Variants in FAM107B observed in about 807,000 individuals in gnomAD.
The protein encoded by FAM107B is family with sequence similarity 107 member B.
A neutral mutation model predicts 31.5 loss-of-function variants in FAM107B; 21 were observed. The observed-to-expected ratio is 0.67, with a 90% CI of 0.47 to 0.96. The LOEUF (loss-of-function observed/expected upper bound fraction) is 0.96, where lower values mean the gene tolerates loss of function less well. Ranked by LOEUF, FAM107B falls within the 40% of genes least tolerant of loss-of-function variation. FAM107B has a pLI of 0.00. For missense variants in FAM107B, 452 were observed against 377.1 expected (o/e 1.20, Z -1.64); for synonymous variants, 157 against 141.5 (o/e 1.11, Z -0.78).
intron 1 of FAM107B, among the ~76,000 whole-genome samples, chr10:14,727,304 C>T (rs185447072): frequency 5.9e-5 from 9 of 152,346 alleles, no homozygotes; most frequent in Non-Finnish European, 1.2e-4. Context: ...TCTGACTTTT[C>T]CCTAACCTTC....
At chr10:14,657,893 C>T (rs1854109056) in intron 2 of FAM107B, among the ~76,000 whole-genome samples, 1 of 152,048 alleles carries the variant, frequency 6.6e-6, no homozygotes, top group African/African-American at 2.4e-5. Context: ...TCACTGCAGC[C>T]TTGGCAGCCC....
At chr10:14,662,378 C>CTGTTT (rs372383515) in intron 2 of FAM107B, among the ~76,000 whole-genome samples, 1 of 139,668 alleles carries the variant, frequency 7.2e-6, no homozygotes, top group Non-Finnish European at 1.5e-5. Context: ...TCTGACCTGT[C>CTGTTT]TTTTTTTTTT....
chr10:14,741,443 C>A (rs1217111662), intron 1 of FAM107B, among the ~76,000 whole-genome samples: 1 of 152,054 alleles, frequency 6.6e-6, no homozygotes, highest in South Asian at 2.1e-4. Context: ...CTAAGGTCAC[C>A]GCACCAGCCT....
intron 1 of FAM107B, among the ~76,000 whole-genome samples, chr10:14,720,340 G>A (rs1363507028): frequency 5.3e-5 from 8 of 152,006 alleles, no homozygotes; most frequent in East Asian, 1.9e-4. Flanking sequence ...TGCAACCTCC[G>A]CCTCCCGTGT....
rs150657578 is a variant in FAM107B at position 14,571,894 on chromosome 10, G to A, written c.470-41379C>T. 7.1e-4 allele frequency: 704 copies of A among 985,422 alleles called. 7 individuals are homozygous for A. In the African/African-American group the frequency reaches 0.011, roughly 15 times the overall value. The allele number at this position is 985,422 out of a possible 1,614,324, so 61.0% of individuals were successfully genotyped here. On this transcript the variant is annotated intron_variant, in intron 2 of 4. Transcript: ENST00000181796. ...TGTCACCCATCAAGGCCTAAGTGAC[G>A]AACGGTTACAGAGACTGACCTAACC...
intron 1 of FAM107B, among the ~76,000 whole-genome samples, chr10:14,745,225 T>C (rs1431720280): frequency 2.6e-5 from 4 of 152,094 alleles, no homozygotes; most frequent in African/African-American, 9.7e-5. Context: ...TAGTGGTCTA[T>C]TTCATTATTT....
At chr10:14,731,610 T>G (rs2131560713) in intron 1 of FAM107B, among the ~76,000 whole-genome samples, 1 of 152,252 alleles carries the variant, frequency 6.6e-6, no homozygotes. Flanking sequence ...TTTTTAAATC[T>G]CTCAATGCAT....
chr10:14,562,649 C>CT (rs771430418), intron 2 of FAM107B, among the ~76,000 whole-genome samples: 6 of 152,172 alleles, frequency 3.9e-5, no homozygotes, highest in Non-Finnish European at 8.8e-5. Flanking sequence ...GACAATACCA[C>CT]GTCAGCCACA....
intron 2 of FAM107B, among the ~76,000 whole-genome samples, chr10:14,574,033 G>C (rs1317871682): frequency 6.6e-6 from 1 of 152,090 alleles, no homozygotes; most frequent in Non-Finnish European, 1.5e-5. Flanking sequence ...CACAAGACCA[G>C]GGTAGACACT....
At chr10:14,540,863 T>C (rs1392284991) in intron 2 of FAM107B, among the ~76,000 whole-genome samples, 1 of 152,154 alleles carries the variant, frequency 6.6e-6, no homozygotes, top group African/African-American at 2.4e-5. Context: ...GCCCAGGTGC[T>C]GGAAAGGACA....
intron 1 of FAM107B, among the ~76,000 whole-genome samples, chr10:14,772,123 G>A (rs2131602048): frequency 6.6e-6 from 1 of 152,146 alleles, no homozygotes; most frequent in Middle Eastern, 3.4e-3. Flanking sequence ...TGGGAGGCTG[G>A]GCGGGGGAGT....
chr10:14,763,885 A>G (rs1833108244), intron 1 of FAM107B, among the ~76,000 whole-genome samples: 1 of 152,272 alleles, frequency 6.6e-6, no homozygotes, highest in Non-Finnish European at 1.5e-5. Flanking sequence ...TTAAGGGTAT[A>G]CACATTGCTG....
chr10:14,543,692 A>T (rs998210315), intron 2 of FAM107B, among the ~76,000 whole-genome samples: 4 of 7,822 alleles, frequency 5.1e-4, no homozygotes, highest in African/African-American at 8.1e-4. Flanking sequence ...TAAAAACTTT[A>T]AAAAAAAAAA....
At chr10:14,774,011 T>C (rs902339722) in intron 1 of FAM107B, among the ~76,000 whole-genome samples, 1 of 152,220 alleles carries the variant, frequency 6.6e-6, no homozygotes, top group Non-Finnish European at 1.5e-5. Flanking sequence ...AGCCCGTTAA[T>C]TCAAGGTTAC....
rs1274198634 is a variant in FAM107B at position 14,688,015 on chromosome 10, AG to A, written c.412-20325del. Among the ~76,000 whole-genome samples, 11 of 152,354 alleles carry A rather than the reference AG, an allele frequency of 7.2e-5. No individual in the cohort carries two copies. In the East Asian group the frequency reaches 1.9e-3, roughly 27 times the overall value. On this transcript the variant is annotated intron_variant, in intron 1 of 4. Coordinates refer to ENST00000181796, the MANE Select transcript of FAM107B (RefSeq NM_031453.4). ...AACATTTGAGTCAGTGGGCTGGGAA[AG>A]GCAGACCCACCTTCAATTTGGGTGG...
At chr10:14,674,866 C>G (rs1854643854) in intron 1 of FAM107B, among the ~76,000 whole-genome samples, 1 of 152,096 alleles carries the variant, frequency 6.6e-6, no homozygotes, top group African/African-American at 2.4e-5. Context: ...TCCTGAGAAG[C>G]TGGGGCTATA....
intron 1 of FAM107B, among the ~76,000 whole-genome samples, chr10:14,694,815 G>A (rs2768735): frequency 0.029 from 4,407 of 152,258 alleles, 206 homozygotes; most frequent in African/African-American, 0.099. Flanking sequence ...AGAAATGTCT[G>A]TTCAGGTCTT....
chr10:14,563,192 C>G (rs1850386845), intron 2 of FAM107B, among the ~76,000 whole-genome samples: 1 of 152,140 alleles, frequency 6.6e-6, no homozygotes, highest in Non-Finnish European at 1.5e-5. Context: ...TAGAAGGCAA[C>G]CTACAGATGA....
At chr10:14,639,453 G>A (rs1408413831) in intron 2 of FAM107B, among the ~76,000 whole-genome samples, 3 of 152,038 alleles carry the variant, frequency 2.0e-5, no homozygotes, top group South Asian at 4.1e-4. Context: ...CCTGATTTTT[G>A]GTTCAGCAAA....
Sources: allele counts gnomAD v4.1 joint callset (sites outside exome capture counted in the v4.1 genomes callset), GRCh38; gene constraint gnomAD v4.1.1; transcripts MANE v1.5; gene names NCBI Gene and HGNC (gene_info 2026-07-23, HGNC 2026-07-21).